PDE1C: variants seen among roughly 807,000 people sequenced by gnomAD.
PDE1C encodes the protein phosphodiesterase 1C, also known as dual specificity calcium/calmodulin-dependent 3',5'-cyclic nucleotide phosphodiesterase 1C.
PDE1C carries 62 observed loss-of-function variants against 93.1 expected under a neutral mutation model. The ratio of observed to expected loss-of-function variants is 0.67; its 90% CI spans 0.54 to 0.82. The LOEUF is 0.82. Ranked by LOEUF, PDE1C falls within the 40% of genes least tolerant of loss-of-function variation. The pLI is 0.00. For missense variants in PDE1C, 742 were observed against 884.6 expected (o/e 0.84, Z 2.04); for synonymous variants, 325 against 310.1 (o/e 1.05, Z -0.50).
chr7:31,691,696 T>C, the PDE1C span, among the ~76,000 whole-genome samples: 1 of 148,696 alleles, frequency 6.7e-6, no homozygotes, highest in South Asian at 2.1e-4. Flanking sequence ...TAAAGATCTA[T>C]CCAAAACCCA....
At chr7:32,318,276 C>G (rs1402097640) in intron 1 of PDE1C, among the ~76,000 whole-genome samples, 1 of 152,156 alleles carries the variant, frequency 6.6e-6, no homozygotes, top group African/African-American at 2.4e-5. Context: ...AAACCAAACC[C>G]CCCTTCTGAG....
intron 2 of PDE1C, among the ~76,000 whole-genome samples, chr7:32,175,787 T>C (rs1802947466): frequency 1.3e-5 from 2 of 152,254 alleles, no homozygotes; most frequent in South Asian, 4.1e-4. Context: ...CTGAATTGTC[T>C]TCACTTTTCA....
rs7790610 is a variant in PDE1C at position 32,091,176 on chromosome 7, G to A, written c.308+78609C>T. Among the ~76,000 whole-genome samples, 186 of 152,290 alleles carry A rather than the reference G, an allele frequency of 1.2e-3. 1 individual carries two copies. The highest frequency in any genetic ancestry group is 4.3e-3 in the African/African-American group (177 of 41,554). ...AATTAATTATTAGTATTTCATAGAT[G>A]AGGAAACTGAGCCTCTGGATGGTTA... On this transcript the variant is annotated intron_variant, in intron 3 of 18. Coordinates refer to the PDE1C transcript ENST00000396193.
the PDE1C span, among the ~76,000 whole-genome samples, chr7:31,628,711 C>T: frequency 3.3e-5 from 5 of 152,120 alleles, no homozygotes; most frequent in East Asian, 9.7e-4. Flanking sequence ...CCGCCTCGGC[C>T]TCCGAAAGTG....
chr7:32,377,971 G>A (rs533529516), intron 1 of PDE1C, among the ~76,000 whole-genome samples: 2 of 152,320 alleles, frequency 1.3e-5, no homozygotes, highest in South Asian at 4.1e-4. Context: ...AATCCCTTCC[G>A]TTAATCCCTA....
chr7:32,397,945 GA>G (rs1784865992), intron 1 of PDE1C, among the ~76,000 whole-genome samples: 2 of 151,724 alleles, frequency 1.3e-5, no homozygotes, highest in Non-Finnish European at 2.9e-5. Context: ...ATGAGGTCAG[GA>G]GATCGAGACC....
chr7:31,740,191 G>T, the PDE1C span, among the ~76,000 whole-genome samples: 1 of 152,148 alleles, frequency 6.6e-6, no homozygotes, highest in Non-Finnish European at 1.5e-5. Context: ...CCTTTGGATG[G>T]CAATGGGCTC....
intron 9 of PDE1C, among the ~76,000 whole-genome samples, chr7:31,844,158 A>G (rs1322615928): frequency 6.6e-6 from 1 of 151,784 alleles, no homozygotes; most frequent in Non-Finnish European, 1.5e-5. Context: ...ATTTACCCAG[A>G]TATTTATCAG....
intron 1 of PDE1C, among the ~76,000 whole-genome samples, chr7:32,397,454 C>T (rs1784858954): frequency 6.6e-6 from 1 of 152,056 alleles, no homozygotes; most frequent in Non-Finnish European, 1.5e-5. Flanking sequence ...AATACAAGTT[C>T]TTATTCATTG....
chr7:32,337,803 A>C (rs1170985592), intron 1 of PDE1C, among the ~76,000 whole-genome samples: 1 of 152,148 alleles, frequency 6.6e-6, no homozygotes, highest in African/African-American at 2.4e-5. Context: ...GAAAAAAAAC[A>C]ATGAGAAAAA....
At chr7:31,678,186 A>G in the PDE1C span, among the ~76,000 whole-genome samples, 9 of 152,196 alleles carry the variant, frequency 5.9e-5, no homozygotes, top group Non-Finnish European at 1.3e-4. Context: ...TTATAAACTT[A>G]TGAATTTAAT....
At chr7:32,257,346 A>C (rs1809879383) in intron 1 of PDE1C, among the ~76,000 whole-genome samples, 1 of 152,178 alleles carries the variant, frequency 6.6e-6, no homozygotes, top group Non-Finnish European at 1.5e-5. Context: ...TGTCCTTGGA[A>C]CAGAGCAAAG....
At chr7:31,722,433 A>G in the PDE1C span, among the ~76,000 whole-genome samples, 9 of 152,246 alleles carry the variant, frequency 5.9e-5, no homozygotes, top group Non-Finnish European at 1.3e-4. Flanking sequence ...AAAAATGTAG[A>G]CAAGGACCTT....
At chr7:32,076,241 G>A (rs1796346741), upstream of PDE1C, among the ~76,000 whole-genome samples, 1 of 152,152 alleles carries the variant, frequency 6.6e-6, no homozygotes, top group South Asian at 2.1e-4. Context: ...TGGCCCCTAG[G>A]AAAGAGATGG....
the PDE1C span, chr7:31,708,277 AGGTGAG>A: frequency 6.6e-6 from 1 of 152,214 alleles, no homozygotes; most frequent in East Asian, 1.9e-4. Flanking sequence ...GACAGGAGAG[AGGTGAG>A]AACTATTTTT....
chr7:31,853,450 A>G (rs1793595248), intron 7 of PDE1C, among the ~76,000 whole-genome samples: 1 of 152,158 alleles, frequency 6.6e-6, no homozygotes, highest in African/African-American at 2.4e-5. Flanking sequence ...GAACTAAATG[A>G]GCAAGTCCCA....
At chr7:31,908,143 A>T (rs1185655328) in intron 2 of PDE1C, among the ~76,000 whole-genome samples, 3 of 152,152 alleles carry the variant, frequency 2.0e-5, no homozygotes, top group Non-Finnish European at 4.4e-5. Context: ...TAAAAAAGTG[A>T]AATTCAGTCA....
intron 1 of PDE1C, among the ~76,000 whole-genome samples, chr7:32,391,183 A>G (rs957488835): frequency 6.6e-6 from 1 of 152,232 alleles, no homozygotes; most frequent in Non-Finnish European, 1.5e-5. Context: ...AAGTTTAAAA[A>G]TGGAAAAAGA....
At chr7:32,302,119 A>G (rs1812895433), upstream of PDE1C, among the ~76,000 whole-genome samples, 1 of 152,214 alleles carries the variant, frequency 6.6e-6, no homozygotes, top group African/African-American at 2.4e-5. Flanking sequence ...CAAAGCCAAA[A>G]ATATTTACTA....
Sources: gnomAD v4.1 joint callset for allele counts (sites outside exome capture counted in the v4.1 genomes callset) on GRCh38, gnomAD v4.1.1 for gene constraint, MANE v1.5 for transcripts, NCBI Gene and HGNC (gene_info 2026-07-23, HGNC 2026-07-21) for gene names.